The following NRXN3 variants were observed in gnomAD, a reference collection of about 807,000 sequenced individuals.
NRXN3 encodes neurexin III.
Under a neutral mutation model 137.6 loss-of-function variants are expected in NRXN3, and 32 were observed. That is an observed-to-expected ratio of 0.23 (90% CI 0.18 to 0.31). The LOEUF is 0.31. Among genes scored for constraint, NRXN3 ranks in the 10% least tolerant of loss-of-function variants. The pLI is 1.00. For missense variants in NRXN3, 1,574 were observed against 2,062.5 expected, an observed-to-expected ratio of 0.76 and a Z score of 4.59; for synonymous variants, 798 against 784.5, an observed-to-expected ratio of 1.02 and a Z score of -0.29.
At chr14:79,233,513 C>T (rs557603060) in intron 15 of NRXN3, among the ~76,000 whole-genome samples, 3 of 152,158 alleles carry the variant, frequency 2.0e-5, no homozygotes, top group Non-Finnish European at 2.9e-5. Context: ...TACTGTAATC[C>T]GTGATTTGGT....
chr14:79,450,103 A>G (rs1170850240), intron 15 of NRXN3, among the ~76,000 whole-genome samples: 3 of 151,736 alleles, frequency 2.0e-5, no homozygotes, highest in East Asian at 3.9e-4. Flanking sequence ...CTCTCCACAC[A>G]TACTCACTCC....
chr14:78,415,950 A>G (rs185928163), intron 4 of NRXN3, among the ~76,000 whole-genome samples: 2 of 152,140 alleles, frequency 1.3e-5, no homozygotes, highest in East Asian at 3.9e-4. Context: ...TTCATGGTCT[A>G]ATCTCCATCT....
intron 10 of NRXN3, among the ~76,000 whole-genome samples, chr14:78,828,804 G>C (rs1319570374): frequency 6.6e-6 from 1 of 152,184 alleles, no homozygotes; most frequent in African/African-American, 2.4e-5. Flanking sequence ...CTCCTTATAA[G>C]ATTTGCATTA....
intron 15 of NRXN3, among the ~76,000 whole-genome samples, chr14:79,255,597 G>A (rs565376814): frequency 6.6e-5 from 10 of 152,198 alleles, no homozygotes; most frequent in African/African-American, 1.2e-4. Flanking sequence ...AATGTGAATC[G>A]TAATACCCAG....
intron 4 of NRXN3, among the ~76,000 whole-genome samples, chr14:78,390,615 G>A (rs918772029): frequency 2.6e-5 from 4 of 152,098 alleles, no homozygotes; most frequent in East Asian, 1.9e-4. Flanking sequence ...TTATATTGCC[G>A]TATTGACAAC....
intron 1 of NRXN3, among the ~76,000 whole-genome samples, chr14:78,172,862 C>G (rs928717002): frequency 2.6e-5 from 4 of 152,148 alleles, no homozygotes; most frequent in African/African-American, 7.2e-5. Flanking sequence ...ACAGCTACGT[C>G]TTTGCTTCTC....
At chr14:79,428,976 T>C (rs1406352362) in intron 15 of NRXN3, among the ~76,000 whole-genome samples, 4 of 152,176 alleles carry the variant, frequency 2.6e-5, no homozygotes, top group Non-Finnish European at 5.9e-5. Context: ...AACAAATTCT[T>C]ATGAGAAAAG....
intron 15 of NRXN3, among the ~76,000 whole-genome samples, chr14:79,452,212 G>A (rs1399633285): frequency 6.6e-6 from 1 of 151,826 alleles, no homozygotes; most frequent in East Asian, 1.9e-4. Context: ...TAATCAGAAG[G>A]CCCAATCTAA....
chr14:78,807,076 G>A (rs1273223537), intron 9 of NRXN3, among the ~76,000 whole-genome samples: 2 of 152,092 alleles, frequency 1.3e-5, no homozygotes, highest in Non-Finnish European at 1.5e-5. Flanking sequence ...CAGCACTATG[G>A]GTCAATGATG....
chr14:79,657,115 G>T (rs1304823414), intron 16 of NRXN3, among the ~76,000 whole-genome samples: 1 of 152,098 alleles, frequency 6.6e-6, no homozygotes, highest in Non-Finnish European at 1.5e-5. Flanking sequence ...AATTTGCCAA[G>T]ATTTTATTTA....
intron 15 of NRXN3, among the ~76,000 whole-genome samples, chr14:79,046,200 C>A (rs1160867301): frequency 6.6e-6 from 1 of 152,296 alleles, no homozygotes; most frequent in South Asian, 2.1e-4. Flanking sequence ...CTTTCCCCTC[C>A]CCTCCTCTCC....
rs905023629 is a variant in NRXN3, at chr14:79,787,759, TTG to T, written c.4015-17343_4015-17342del. ...TTTTTAAAGGCTGAATATTATTCCA[TTG>T]TGTGTGTGTATATATATATCACATT... On this transcript the variant is annotated intron_variant, in intron 19 of 20. Transcript: ENST00000335750. 9.9e-5 allele frequency among the ~76,000 whole-genome samples: 15 copies of T among 152,230 alleles called. No individual in the cohort carries two copies. The East Asian group carries it at 2.9e-3, about 29-fold the overall frequency.
chr14:78,904,193 C>G (rs1296303194), intron 10 of NRXN3, among the ~76,000 whole-genome samples: 4 of 152,030 alleles, frequency 2.6e-5, no homozygotes. Flanking sequence ...GGCAGTTGTT[C>G]TCAACCAGGG....
chr14:78,924,948 T>C (rs910528123), intron 10 of NRXN3, among the ~76,000 whole-genome samples: 4 of 152,106 alleles, frequency 2.6e-5, no homozygotes, highest in African/African-American at 9.7e-5. Flanking sequence ...TCCGAAAGAG[T>C]TCAGAGCTGA....
At chr14:79,304,463 G>A (rs931566237) in intron 15 of NRXN3, among the ~76,000 whole-genome samples, 4 of 152,024 alleles carry the variant, frequency 2.6e-5, no homozygotes, top group Non-Finnish European at 2.9e-5. Context: ...GTTCATTTGA[G>A]CAAACAGAGA....
intron 1 of NRXN3, among the ~76,000 whole-genome samples, chr14:78,201,490 T>C (rs1021480264): frequency 1.3e-5 from 2 of 152,210 alleles, no homozygotes; most frequent in African/African-American, 4.8e-5. Context: ...CTGCTCACGT[T>C]CTGTCCTTCC....
At chr14:78,936,968 C>G (rs2099342082) in intron 10 of NRXN3, among the ~76,000 whole-genome samples, 1 of 151,982 alleles carries the variant, frequency 6.6e-6, no homozygotes, top group Non-Finnish European at 1.5e-5. Flanking sequence ...CGCCTGTAAT[C>G]CCAGCACTTT....
chr14:79,215,585 T>C (rs1381151296), intron 15 of NRXN3, among the ~76,000 whole-genome samples: 1 of 152,120 alleles, frequency 6.6e-6, no homozygotes. Flanking sequence ...CAAGCAAAAG[T>C]GGTCTCCTCT....
intron 16 of NRXN3, among the ~76,000 whole-genome samples, chr14:79,578,779 A>T (rs2097688509): frequency 6.6e-6 from 1 of 152,158 alleles, no homozygotes. Flanking sequence ...GAGACAAGGC[A>T]AAAGGAAACG....
Sources: gnomAD v4.1 joint callset for allele counts (sites outside exome capture counted in the v4.1 genomes callset) on GRCh38, gnomAD v4.1.1 for gene constraint, MANE v1.5 for transcripts, NCBI Gene and HGNC (gene_info 2026-07-23, HGNC 2026-07-21) for gene names.